The following ACTR1A variants were observed in gnomAD, a reference collection of about 807,000 sequenced individuals.
ACTR1A encodes alpha-centractin.
A neutral mutation model predicts 50.7 loss-of-function variants in ACTR1A; 10 were observed. That is an observed-to-expected ratio of 0.20 (90% CI 0.12 to 0.33). The LOEUF (loss-of-function observed/expected upper bound fraction) is 0.33, where lower values mean the gene tolerates loss of function less well. Among genes scored for constraint, ACTR1A ranks in the 10% least tolerant of loss-of-function variants. The probability of loss-of-function intolerance (pLI) is 1.00; values close to 1 mark genes in which losing one functional copy is unlikely to be tolerated. For missense variants in ACTR1A, 253 were observed against 491.7 expected (o/e 0.51, Z 4.59); for synonymous variants, 177 against 184.2 (o/e 0.96, Z 0.32).
At chr10:102,499,465 G>T (rs990101807) in intron 1 of ACTR1A, among the ~76,000 whole-genome samples, 1 of 151,516 alleles carries the variant, frequency 6.6e-6, no homozygotes, top group Admixed American at 6.6e-5. Flanking sequence ...CCCAGAGGGG[G>T]AAAAAAAAGA....
At position 102,482,094 on chromosome 10, in the gene ACTR1A, C is replaced by T; in HGVS notation, c.832G>A (p.Val278Ile). ...GACTTCTGAATGGCGAACACCAGGA[C>T]CTCGTGGATGCCTTCACTCTCCTCT... is the stretch of plus-strand genomic sequence containing the variant. ...IGEESEGIHEVLVFAIQKSDM... is the reference protein window; with the variant it reads ...IGEESEGIHEILVFAIQKSDM... The change falls in exon 8 of 11, where the codon GTC becomes ATC. Residue 278 changes from valine (V) to isoleucine (I), a missense_variant. Val to Ile is a conservative substitution (Grantham distance 29). This residue lies in a region of ACTR1A where 116 missense variants were observed against 155.9 expected (regional missense o/e 0.74). Transcript: ENST00000369905. The surrounding 1 kb of genome is among the most constrained non-coding windows in gnomAD (Gnocchi z 5.6). The T allele has an allele frequency of 6.2e-7, 1 of 1,614,190 alleles. No homozygotes were observed. Among genetic ancestry groups the T allele is most frequent in the Non-Finnish European group, 8.5e-7 (1 of 1,180,046 alleles).
Position 102,479,321 on chromosome 10 carries a change from TAA to T in ACTR1A, c.*1540_*1541del. 2.5e-6 allele frequency: 1 copy of T among 400,364 alleles called. No individual in the cohort carries two copies. The allele number at this position is 400,364 out of a possible 1,614,324, so 24.8% of individuals were successfully genotyped here. On this transcript the variant is annotated 3_prime_UTR_variant, in exon 11 of 11. Coordinates refer to ENST00000369905, the MANE Select transcript of ACTR1A (RefSeq NM_005736.4). This position sits in a 1 kb window ranked among gnomAD's most constrained non-coding sequence, Gnocchi z 4.0. Reference sequence around the variant, plus strand: ...GGCTGTGCGAGGGACAGGCTTGGGCTAAGAGAAGGGAGGTGAGTTGGTTAAGC... The same window carrying T: ...GGCTGTGCGAGGGACAGGCTTGGGCTGAGAAGGGAGGTGAGTTGGTTAAGC...
At chr10:102,499,462 G>A (rs568510702) in intron 1 of ACTR1A, among the ~76,000 whole-genome samples, 3 of 151,892 alleles carry the variant, frequency 2.0e-5, no homozygotes, top group South Asian at 4.1e-4. Flanking sequence ...TTTCCCAGAG[G>A]GGGAAAAAAA....
At position 102,488,369 on chromosome 10, in the gene ACTR1A, A is replaced by G; in HGVS notation, c.190-94T>C. 6.5e-7 allele frequency: 1 copy of G among 1,537,094 alleles called. No individual in the cohort carries two copies. ...AGCAGTGCAAGCTGAATCCCTTGCAAAGAAGCCTCAGCTTCCTGAGCTTCC... is the reference window on the plus strand; with the variant it reads ...AGCAGTGCAAGCTGAATCCCTTGCAGAGAAGCCTCAGCTTCCTGAGCTTCC... On this transcript the variant is annotated intron_variant, in intron 3 of 10. Coordinates refer to ENST00000369905, the MANE Select transcript of ACTR1A (RefSeq NM_005736.4). This position sits in a 1 kb window ranked among gnomAD's most constrained non-coding sequence, Gnocchi z 4.4.
intron 1 of ACTR1A, among the ~76,000 whole-genome samples, chr10:102,502,362 T>C (rs1055789035): frequency 6.6e-5 from 10 of 152,248 alleles, no homozygotes; most frequent in Admixed American, 1.3e-4. Context: ...GCCCAAGGAC[T>C]GGCTTGGACT....
intron 1 of ACTR1A, among the ~76,000 whole-genome samples, chr10:102,499,983 CTG>C (rs1392007677): frequency 6.6e-6 from 1 of 152,048 alleles, no homozygotes; most frequent in Non-Finnish European, 1.5e-5. Context: ...CCTAGGTATA[CTG>C]TGTGTGTGTG....
At chr10:102,490,398 A>AT (rs2062186541) in intron 2 of ACTR1A, 151 bp downstream of exon 2, 3 of 455,032 alleles carry the variant, frequency 6.6e-6, no homozygotes, top group African/African-American at 6.1e-5. Context: ...GGATTTTTAA[A>AT]AAGAGGCCTC....
At chr10:102,485,786 A>G in intron 4 of ACTR1A, 53 bp from the exon 5 acceptor site, 1 of 1,606,892 alleles carries the variant, frequency 6.2e-7, no homozygotes, top group Non-Finnish European at 8.5e-7. Context: ...TTCCATCTTC[A>G]TTAGTCTTAG....
At chr10:102,491,734 T>C (rs1320902743) in intron 1 of ACTR1A, among the ~76,000 whole-genome samples, 1 of 152,152 alleles carries the variant, frequency 6.6e-6, no homozygotes, top group African/African-American at 2.4e-5. Flanking sequence ...AGGACAGATG[T>C]CAAGGCTTAG....
chr10:102,483,271 C>T (rs539978262), intron 6 of ACTR1A, 168 bp from the exon 7 acceptor site: 6 of 625,890 alleles, frequency 9.6e-6, no homozygotes, highest in Non-Finnish European at 2.9e-6. Context: ...CTCTGTTGGC[C>T]TTCACTGGGT....
rs2062127144 is a variant in ACTR1A at position 102,479,429 on chromosome 10, T to C, written c.*1434A>G. Reference sequence around the variant, plus strand: ...CACACCTGGCAGGGGCCTTTGGTCATAGGACGGCGTGGGGGAGAATACTGT... The same window carrying C: ...CACACCTGGCAGGGGCCTTTGGTCACAGGACGGCGTGGGGGAGAATACTGT... On this transcript the variant is annotated 3_prime_UTR_variant, in exon 11 of 11. Transcript: ENST00000369905. The surrounding 1 kb of genome is among the most constrained non-coding windows in gnomAD (Gnocchi z 4.0). 2.6e-6 allele frequency: 1 copy of C among 388,772 alleles called. No individual in the cohort carries two copies. Among genetic ancestry groups the C allele is most frequent in the Non-Finnish European group, 4.8e-6 (1 of 207,884 alleles). The allele number at this position is 388,772 out of a possible 1,614,324, so 24.1% of individuals were successfully genotyped here.
Position 102,479,264 on chromosome 10 carries a change from C to T in ACTR1A, c.*1599G>A. 1 of 552,300 alleles carries T rather than the reference C, an allele frequency of 1.8e-6. No homozygotes were observed. The highest frequency in any genetic ancestry group is 1.7e-5 in the South Asian group (1 of 58,396). The allele number at this position is 552,300 out of a possible 1,614,324, so 34.2% of individuals were successfully genotyped here. A position where few individuals can be genotyped will look rare whatever the true frequency, so the allele number is the denominator to read the frequency against. ...ATCGGAACGACTTTATTTCAGTACA[C>T]TGGGCCCCACCAGGCAATGTGGTTT... is the stretch of plus-strand genomic sequence containing the variant. On this transcript the variant is annotated 3_prime_UTR_variant, in exon 11 of 11. Transcript: ENST00000369905. The surrounding 1 kb of genome is among the most constrained non-coding windows in gnomAD (Gnocchi z 4.0).
At position 102,482,789 on chromosome 10, in the gene ACTR1A, A is replaced by G. The variant is rs2062150200; in HGVS notation, c.750+222T>C. On this transcript the variant is annotated intron_variant, in intron 7 of 10. Coordinates refer to ENST00000369905, the MANE Select transcript of ACTR1A (RefSeq NM_005736.4). The surrounding 1 kb of genome is among the most constrained non-coding windows in gnomAD (Gnocchi z 5.6). ...ATGACAGCTGCTGAGCTAAAAAAAA[A>G]AATTGCAAAAGAATCTCATAATGTT... The G allele has an allele frequency of 1.8e-6, 1 of 563,718 alleles. No individual in the cohort carries two copies. Among genetic ancestry groups the G allele is most frequent in the African/African-American group, 1.9e-5 (1 of 53,272 alleles). 34.9% of individuals were successfully genotyped at this position (563,718 alleles called of 1,614,324 possible).
rs2062178676 is a variant in ACTR1A at position 102,488,338 on chromosome 10, A to G, written c.190-63T>C. ...CTCCACCCAGGACCCTGTTCTCCCA[A>G]GACTAAGCAGTGCAAGCTGAATCCC... On this transcript the variant is annotated intron_variant, in intron 3 of 10. Coordinates refer to ENST00000369905, the MANE Select transcript of ACTR1A (RefSeq NM_005736.4). This position sits in a 1 kb window ranked among gnomAD's most constrained non-coding sequence, Gnocchi z 4.4. 4 of 1,588,554 alleles carry G rather than the reference A, an allele frequency of 2.5e-6. No homozygotes were observed. The highest frequency in any genetic ancestry group is 3.4e-5 in the Admixed American group (2 of 59,636).
chr10:102,486,948 G>A (rs1307616962), intron 4 of ACTR1A, among the ~76,000 whole-genome samples: 2 of 114,970 alleles, frequency 1.7e-5, no homozygotes, highest in East Asian at 4.3e-4. Context: ...CACTGTACCC[G>A]GCTATTTTTT....
Position 102,480,702 on chromosome 10 carries a change from G to A in ACTR1A, c.*161C>T. On this transcript the variant is annotated 3_prime_UTR_variant, in exon 11 of 11. Coordinates refer to ENST00000369905, the MANE Select transcript of ACTR1A (RefSeq NM_005736.4). ...CTGCAGGTAGTTCATCGTCCTTTCT[G>A]GGCCCAGGGTCCCAGGGCCACACGG... 1.5e-6 allele frequency: 1 copy of A among 660,400 alleles called. No homozygotes were observed. Among genetic ancestry groups the A allele is most frequent in the Non-Finnish European group, 2.7e-6 (1 of 368,642 alleles). 40.9% of individuals were successfully genotyped at this position (660,400 alleles called of 1,614,324 possible).
At chr10:102,497,929 C>CAA (rs397937965) in intron 1 of ACTR1A, among the ~76,000 whole-genome samples, 39,053 of 110,986 alleles carry the variant, frequency 0.35, 5,773 homozygotes, top group Admixed American at 0.41. Flanking sequence ...CCCATTTCTA[C>CAA]AAAAAAAAAA....
At chr10:102,490,905 A>G (rs1050369602) in intron 1 of ACTR1A, among the ~76,000 whole-genome samples, 2 of 152,072 alleles carry the variant, frequency 1.3e-5, no homozygotes, top group African/African-American at 4.8e-5. Context: ...AGGTGGGAGA[A>G]TCACTTGAAT....
At position 102,480,737 on chromosome 10, in the gene ACTR1A, GT is replaced by G. The variant is rs2062134804; in HGVS notation, c.*125del. 2 of 811,470 alleles carry G rather than the reference GT, an allele frequency of 2.5e-6. No homozygotes were observed. Among genetic ancestry groups the G allele is most frequent in the Non-Finnish European group, 4.2e-6 (2 of 472,242 alleles). 50.3% of individuals were successfully genotyped at this position (811,470 alleles called of 1,614,324 possible). On this transcript the variant is annotated 3_prime_UTR_variant, in exon 11 of 11. Transcript: ENST00000369905. The stretch of plus-strand genomic sequence containing the variant: ...TCCCAGGGCCACACGGCACTCGCAT[GT>G]GCACACACACTCATATCCACACACG...
Sources: allele counts gnomAD v4.1 joint callset (sites outside exome capture counted in the v4.1 genomes callset), GRCh38; gene constraint gnomAD v4.1.1; regional missense constraint gnomAD v4.1.1; non-coding constraint Gnocchi (gnomAD v3.1); transcripts MANE v1.5; gene names NCBI Gene and HGNC (gene_info 2026-07-23, HGNC 2026-07-21).